The following SGCZ variants were observed in gnomAD, a reference collection of about 807,000 sequenced individuals.
The protein encoded by SGCZ is sarcoglycan zeta.
SGCZ carries 40 observed loss-of-function variants against 41.3 expected under a neutral mutation model. The ratio of observed to expected loss-of-function variants is 0.97; its 90% confidence interval spans 0.75 to 1.26. The LOEUF is 1.26. Among genes scored for constraint, SGCZ ranks in the 50% most tolerant of loss-of-function variants. The pLI, the probability that SGCZ is intolerant of heterozygous loss-of-function variation, is 0.00. For missense variants in SGCZ, 552 were observed against 369.8 expected (o/e 1.49, Z -4.04); for synonymous variants, 206 against 137.5 (o/e 1.50, Z -3.49).
intron 2 of SGCZ, among the ~76,000 whole-genome samples, chr8:14,453,755 C>G (rs570939181): frequency 5.9e-5 from 9 of 152,306 alleles, no homozygotes; most frequent in African/African-American, 2.2e-4. Context: ...TCAGAAATGT[C>G]ACAAGACTAC....
At chr8:15,225,449 G>T (rs976834654) in intron 1 of SGCZ, among the ~76,000 whole-genome samples, 2 of 152,166 alleles carry the variant, frequency 1.3e-5, no homozygotes, top group African/African-American at 4.8e-5. Flanking sequence ...TGACTAAGTA[G>T]AACTTAGTCG....
intron 3 of SGCZ, among the ~76,000 whole-genome samples, chr8:14,246,063 G>C (rs1343780397): frequency 6.6e-6 from 1 of 152,128 alleles, no homozygotes; most frequent in Admixed American, 6.5e-5. Context: ...TCTAGAACTA[G>C]AAATACCATT....
intron 2 of SGCZ, among the ~76,000 whole-genome samples, chr8:14,551,354 T>C (rs1451141107): frequency 8.1e-5 from 11 of 136,306 alleles, no homozygotes; most frequent in Admixed American, 3.4e-4. Flanking sequence ...AAAGATGTTA[T>C]AGTAATCAAC....
chr8:15,173,066 A>C (rs1799892433), intron 1 of SGCZ, among the ~76,000 whole-genome samples: 1 of 152,146 alleles, frequency 6.6e-6, no homozygotes, highest in African/African-American at 2.4e-5. Flanking sequence ...TTAAATTCTC[A>C]CTGTAGTCTA....
At chr8:14,388,958 A>T (rs1804667687) in intron 2 of SGCZ, among the ~76,000 whole-genome samples, 2 of 152,086 alleles carry the variant, frequency 1.3e-5, no homozygotes, top group Admixed American at 6.6e-5. Flanking sequence ...AACATTGTAC[A>T]ATAAATATCT....
chr8:14,394,414 G>A (rs923375048), intron 2 of SGCZ, among the ~76,000 whole-genome samples: 1 of 152,086 alleles, frequency 6.6e-6, no homozygotes, highest in African/African-American at 2.4e-5. Context: ...CTTTCAAAGT[G>A]CTGGGATTAC....
intron 1 of SGCZ, among the ~76,000 whole-genome samples, chr8:14,830,988 G>C (rs549523776): frequency 1.5e-4 from 23 of 152,200 alleles, no homozygotes; most frequent in African/African-American, 4.8e-4. Context: ...CTCTTGAAAG[G>C]AGCCAGCTAT....
At position 14,324,118 on chromosome 8, in the gene SGCZ, T is replaced by C; in HGVS notation, c.321A>G (p.Glu107=). ...SEFLLPLYVK[E]IHSRKDSPLV... ...TATCACATACCTTTCGAGAATGAAT[T>C]TCTTTCACATACAATGGAAGTAGAA... Residue 107 remains glutamate, a synonymous_variant, in exon 3 of 8, where the codon GAA becomes GAG. Transcript: ENST00000382080. The C allele has an allele frequency of 5.6e-6, 9 of 1,611,608 alleles. No individual in the cohort carries two copies. Among genetic ancestry groups the C allele is most frequent in the Non-Finnish European group, 7.6e-6 (9 of 1,178,434 alleles).
At chr8:14,361,666 G>A (rs566624376) in intron 2 of SGCZ, among the ~76,000 whole-genome samples, 7 of 152,162 alleles carry the variant, frequency 4.6e-5, no homozygotes, top group African/African-American at 1.4e-4. Flanking sequence ...ACCGACCTTC[G>A]GAAGCCTACT....
At chr8:14,318,288 C>T (rs1216985251) in intron 3 of SGCZ, among the ~76,000 whole-genome samples, 1 of 151,720 alleles carries the variant, frequency 6.6e-6, no homozygotes, top group African/African-American at 2.4e-5. Flanking sequence ...AGGATCCTAC[C>T]TAATACTATA....
chr8:14,911,203 T>C (rs1388568465), intron 1 of SGCZ, among the ~76,000 whole-genome samples: 1 of 152,014 alleles, frequency 6.6e-6, no homozygotes, highest in African/African-American at 2.4e-5. Flanking sequence ...ATTCAAATTG[T>C]CAAAGTAATC....
intron 5 of SGCZ, among the ~76,000 whole-genome samples, chr8:14,148,536 A>G (rs1461592942): frequency 6.6e-6 from 1 of 152,050 alleles, no homozygotes; most frequent in African/African-American, 2.4e-5. Context: ...CAAAGGCATA[A>G]TAAAAAAAAA....
At chr8:14,230,765 GT>G (rs71209026) in intron 4 of SGCZ, among the ~76,000 whole-genome samples, 10,790 of 148,898 alleles carry the variant, frequency 0.072, 696 homozygotes, top group African/African-American at 0.16. Context: ...TTTGGTGGTG[GT>G]GGGGGGGTGG....
At chr8:14,153,078 G>A (rs902137570) in intron 5 of SGCZ, among the ~76,000 whole-genome samples, 5 of 152,230 alleles carry the variant, frequency 3.3e-5, no homozygotes, top group Admixed American at 3.3e-4. Flanking sequence ...CACAGTGATG[G>A]AACTGTTCTG....
In SGCZ at chr8:14,108,489, C is replaced by T. The variant is rs140140770; in HGVS notation, c.548-254G>A. Among the ~76,000 whole-genome samples, 1,257 of 152,208 alleles carry T rather than the reference C, an allele frequency of 8.3e-3. 10 individuals are homozygous for T. Among genetic ancestry groups the T allele is most frequent in the Non-Finnish European group, 0.013 (905 of 68,016 alleles). ...GGCGGGAGGCAACAGGCACTTCATA[C>T]ATCGCGGTGGCAAGAGAAAAATGAG... On this transcript the variant is annotated intron_variant, in intron 5 of 7. Transcript: ENST00000382080.
intron 7 of SGCZ, among the ~76,000 whole-genome samples, chr8:14,095,173 T>C (rs1369905229): frequency 6.6e-6 from 1 of 152,198 alleles, no homozygotes; most frequent in East Asian, 1.9e-4. Context: ...CCATTGCTTT[T>C]GGTGTTTTAA....
intron 1 of SGCZ, among the ~76,000 whole-genome samples, chr8:15,061,366 C>G (rs2131011284): frequency 6.6e-6 from 1 of 151,966 alleles, no homozygotes. Context: ...GAGAACATCA[C>G]ACACCGGGGC....
intron 4 of SGCZ, among the ~76,000 whole-genome samples, chr8:14,209,062 C>T (rs2117090096): frequency 6.6e-6 from 1 of 152,296 alleles, no homozygotes; most frequent in East Asian, 1.9e-4. Flanking sequence ...AAAATGACGC[C>T]TCCATGTTCC....
chr8:14,090,161 G>A lies in SGCZ; in HGVS notation c.*282C>T, dbSNP rs987518674. The A allele has an allele frequency of 5.8e-5, 15 of 257,038 alleles. No homozygotes were observed. Among genetic ancestry groups the A allele is most frequent in the African/African-American group, 2.4e-4 (11 of 45,288 alleles). The allele number at this position is 257,038 out of a possible 1,614,324, so 15.9% of individuals were successfully genotyped here. A position where few individuals can be genotyped will look rare whatever the true frequency, so the allele number is the denominator to read the frequency against. The stretch of plus-strand genomic sequence containing the variant: ...AATCTAAAACTGTGTGCTTCACTTC[G>A]CGTAGCAAAGGCACCTATGTTATTC... On this transcript the variant is annotated 3_prime_UTR_variant, in exon 8 of 8. Coordinates refer to ENST00000382080, the MANE Select transcript of SGCZ (RefSeq NM_139167.4).
Sources: gnomAD v4.1 joint callset for allele counts (sites outside exome capture counted in the v4.1 genomes callset) on GRCh38, gnomAD v4.1.1 for gene constraint, MANE v1.5 for transcripts, NCBI Gene and HGNC (gene_info 2026-07-23, HGNC 2026-07-21) for gene names.